The following KYNU variants were observed in gnomAD, a reference collection of about 807,000 sequenced individuals.
KYNU encodes the protein kynureninase.
A neutral mutation model predicts 59.2 loss-of-function variants in KYNU; 54 were observed. That is an observed-to-expected ratio of 0.91 (90% CI 0.73 to 1.14). The LOEUF (loss-of-function observed/expected upper bound fraction) is 1.14, where lower values mean the gene tolerates loss of function less well. Ranked by LOEUF, KYNU falls within the 50% of genes most tolerant of loss-of-function variation. KYNU has a pLI of 0.00. For missense variants in KYNU, 567 were observed against 554.4 expected, an observed-to-expected ratio of 1.02 and a Z score of -0.23; for synonymous variants, 177 against 192.0, an observed-to-expected ratio of 0.92 and a Z score of 0.65.
Position 142,990,398 on chromosome 2 carries a change from G to A in KYNU, c.902+4377G>A, listed in dbSNP as rs563489738. Among the ~76,000 whole-genome samples the A allele has an allele frequency of 2.0e-5, 3 of 151,886 alleles. No individual in the cohort carries two copies. The South Asian group carries it at 6.2e-4, about 31-fold the overall frequency. On this transcript the variant is annotated intron_variant, in intron 10 of 13. Coordinates refer to ENST00000264170, the MANE Select transcript of KYNU (RefSeq NM_003937.3). ...TTAACCCTCATGGCACACTTTAGAG[G>A]ACTATTTAACCTTTCAACTTTAGGG...
intron 8 of KYNU, among the ~76,000 whole-genome samples, chr2:142,978,743 C>G (rs1684967084): frequency 6.6e-6 from 1 of 152,116 alleles, no homozygotes; most frequent in Non-Finnish European, 1.5e-5. Flanking sequence ...AAGAGCGTAT[C>G]AATGCATACC....
At position 142,941,747 on chromosome 2, in the gene KYNU, A is replaced by T. The variant is rs1274561792; in HGVS notation, c.374-13063A>T. The stretch of plus-strand genomic sequence containing the variant: ...GTAATTTAGTTTCCTAAACCATTGG[A>T]TCCATCTTTATCGATAAAGGAGCAT... On this transcript the variant is annotated intron_variant, in intron 4 of 13. Coordinates refer to ENST00000264170, the MANE Select transcript of KYNU (RefSeq NM_003937.3). 2.6e-5 allele frequency among the ~76,000 whole-genome samples: 4 copies of T among 152,180 alleles called. No homozygotes were observed. In the South Asian group the frequency reaches 8.3e-4, roughly 32 times the overall value.
chr2:142,905,678 G>C (rs1343175603), intron 2 of KYNU, among the ~76,000 whole-genome samples: 1 of 152,186 alleles, frequency 6.6e-6, no homozygotes, highest in Admixed American at 6.5e-5. Flanking sequence ...TCACAATAAG[G>C]TTTCCTCTAA....
intron 3 of KYNU, among the ~76,000 whole-genome samples, chr2:142,924,614 C>T (rs1158520878): frequency 1.3e-5 from 2 of 152,150 alleles, no homozygotes; most frequent in Non-Finnish European, 2.9e-5. Flanking sequence ...TTACATCCTG[C>T]AATTCTAATT....
chr2:142,901,402 G>A (rs956217136), intron 2 of KYNU, among the ~76,000 whole-genome samples: 3 of 152,042 alleles, frequency 2.0e-5, no homozygotes, highest in Non-Finnish European at 4.4e-5. Context: ...CCATACTAGG[G>A]GTCCTTCTAT....
chr2:142,976,514 A>C (rs1452435898), intron 8 of KYNU, among the ~76,000 whole-genome samples: 5 of 152,160 alleles, frequency 3.3e-5, no homozygotes, highest in Non-Finnish European at 5.9e-5. Flanking sequence ...GGTTTTTCCA[A>C]GTTATTTGTT....
intron 2 of KYNU, among the ~76,000 whole-genome samples, chr2:142,909,161 G>GTT (rs377067045): frequency 0.45 from 66,657 of 149,100 alleles, 15,027 homozygotes; most frequent in South Asian, 0.56. Context: ...CATATATCAA[G>GTT]TTTTTTTTTT....
intron 2 of KYNU, among the ~76,000 whole-genome samples, chr2:142,907,422 G>A (rs983315319): frequency 4.6e-5 from 7 of 152,238 alleles, no homozygotes; most frequent in African/African-American, 1.7e-4. Flanking sequence ...GATCAGGAGT[G>A]GAAATGGGTG....
rs1687113803 is a variant in KYNU, at chr2:143,043,571, T to C, written c.*1399T>C. The C allele has an allele frequency of 6.6e-6, 1 of 151,770 alleles. No individual in the cohort carries two copies. Among genetic ancestry groups the C allele is most frequent in the African/African-American group, 2.4e-5 (1 of 41,378 alleles). 9.4% of individuals were successfully genotyped at this position (151,770 alleles called of 1,614,324 possible). Reference sequence around the variant, plus strand: ...TGATATTTATCATGTACTTACCATGTACCATGTATTGTGCTACATTACTCA... The same window carrying C: ...TGATATTTATCATGTACTTACCATGCACCATGTATTGTGCTACATTACTCA... On this transcript the variant is annotated 3_prime_UTR_variant, in exon 14 of 14. Transcript: ENST00000264170.
At chr2:142,909,467 A>G (rs750159197) in intron 2 of KYNU, among the ~76,000 whole-genome samples, 1 of 152,188 alleles carries the variant, frequency 6.6e-6, no homozygotes, top group African/African-American at 2.4e-5. Flanking sequence ...AGTAGTGAAC[A>G]TTGTACCCAA....
chr2:142,985,338 A>G (rs1464581477), intron 9 of KYNU, among the ~76,000 whole-genome samples, 156 bp downstream of exon 9: 1 of 151,944 alleles, frequency 6.6e-6, no homozygotes, highest in Non-Finnish European at 1.5e-5. Context: ...TATATGATGG[A>G]ATAGTATGAT....
chr2:142,943,207 C>T (rs1411889317), intron 4 of KYNU, among the ~76,000 whole-genome samples: 2 of 151,546 alleles, frequency 1.3e-5, no homozygotes, highest in African/African-American at 2.4e-5. Flanking sequence ...CTGCCCTGCT[C>T]ATGTCTGCCT....
chr2:143,053,200 T>C lies in KYNU; in HGVS notation c.*11028T>C, dbSNP rs1035552967. On this transcript the variant is annotated 3_prime_UTR_variant, in exon 14 of 14. Coordinates refer to ENST00000264170, the MANE Select transcript of KYNU (RefSeq NM_003937.3). ...CTGTATCCCCATTGTATCTAGGAAGTAACTAACTTGCTTTTGATTTTACAG... is the reference window on the plus strand; with the variant it reads ...CTGTATCCCCATTGTATCTAGGAAGCAACTAACTTGCTTTTGATTTTACAG... 1 of 152,240 alleles carries C rather than the reference T, an allele frequency of 6.6e-6. No individual in the cohort carries two copies. The highest frequency in any genetic ancestry group is 1.5e-5 in the Non-Finnish European group (1 of 68,056). The allele number at this position is 152,240 out of a possible 1,614,324, so 9.4% of individuals were successfully genotyped here.
At chr2:143,025,587 C>T (rs1481441317) in intron 10 of KYNU, among the ~76,000 whole-genome samples, 1 of 151,724 alleles carries the variant, frequency 6.6e-6, no homozygotes, top group East Asian at 1.9e-4. Flanking sequence ...AAGGGTGTAG[C>T]TTTTGGAATT....
chr2:143,050,229 T>G lies in KYNU; in HGVS notation c.*8057T>G, dbSNP rs1687239474. 1 of 151,950 alleles carries G rather than the reference T, an allele frequency of 6.6e-6. No homozygotes were observed. The highest frequency in any genetic ancestry group is 6.6e-5 in the Admixed American group (1 of 15,242). The allele number at this position is 151,950 out of a possible 1,614,324, so 9.4% of individuals were successfully genotyped here. On this transcript the variant is annotated 3_prime_UTR_variant, in exon 14 of 14. Transcript: ENST00000264170. ...AGGATACATGTGCAGAACCTGCAGG[T>G]TTGTTACATAGGTATACGTGTGCCA... is the stretch of plus-strand genomic sequence containing the variant.
chr2:143,022,668 T>C (rs1349393716), intron 10 of KYNU, among the ~76,000 whole-genome samples: 1 of 151,978 alleles, frequency 6.6e-6, no homozygotes, highest in East Asian at 1.9e-4. Context: ...TGTTTAAGTC[T>C]TTTCTCTATT....
chr2:142,905,090 G>A (rs552059034), intron 2 of KYNU, among the ~76,000 whole-genome samples: 1 of 152,316 alleles, frequency 6.6e-6, no homozygotes, highest in East Asian at 1.9e-4. Flanking sequence ...TCAGGAGTGA[G>A]ATGGAGTTCT....
At chr2:142,903,324 TA>T (rs1682173736) in intron 2 of KYNU, among the ~76,000 whole-genome samples, 1 of 152,098 alleles carries the variant, frequency 6.6e-6, no homozygotes, top group Admixed American at 6.5e-5. Flanking sequence ...ACTTTAGGAT[TA>T]ATTCCTTTTT....
intron 2 of KYNU, among the ~76,000 whole-genome samples, chr2:142,896,732 C>T (rs1455389888): frequency 1.3e-5 from 2 of 152,068 alleles, no homozygotes; most frequent in Non-Finnish European, 2.9e-5. Flanking sequence ...AGATATCCTC[C>T]CACTTTGACC....
Sources: gnomAD v4.1 joint callset for allele counts (sites outside exome capture counted in the v4.1 genomes callset) on GRCh38, gnomAD v4.1.1 for gene constraint, MANE v1.5 for transcripts, NCBI Gene and HGNC (gene_info 2026-07-23, HGNC 2026-07-21) for gene names.